NPTXR: variants seen among roughly 807,000 people sequenced by gnomAD.
The protein encoded by NPTXR is neuronal pentraxin receptor.
In NPTXR, 12 loss-of-function variants were observed where a neutral mutation model predicts 32.2. The ratio of observed to expected loss-of-function variants is 0.37; its 90% CI spans 0.24 to 0.60. The LOEUF (loss-of-function observed/expected upper bound fraction) is 0.60, where lower values mean the gene tolerates loss of function less well. Ranked by LOEUF, NPTXR falls within the 20% of genes least tolerant of loss-of-function variation. The pLI, the probability that NPTXR is intolerant of heterozygous loss-of-function variation, is 0.66. For missense variants in NPTXR, 612 were observed against 682.9 expected, an observed-to-expected ratio of 0.90 and a Z score of 1.16; for synonymous variants, 323 against 315.8, an observed-to-expected ratio of 1.02 and a Z score of -0.24.
intron 1 of NPTXR, among the ~76,000 whole-genome samples, chr22:38,835,777 C>G (rs899705700): frequency 1.3e-5 from 2 of 152,152 alleles, no homozygotes; most frequent in African/African-American, 2.4e-5. Context: ...TGGCTGTGGG[C>G]AGGTCCCTCA....
intron 1 of NPTXR, among the ~76,000 whole-genome samples, chr22:38,835,902 T>A (rs531480062): frequency 2.9e-4 from 44 of 152,322 alleles, no homozygotes; most frequent in Non-Finnish European, 5.6e-4. Flanking sequence ...ACGGGGATGA[T>A]GTGCCCAAGA....
intron 1 of NPTXR, among the ~76,000 whole-genome samples, chr22:38,841,484 G>A (rs558454833): frequency 6.6e-6 from 1 of 152,282 alleles, no homozygotes; most frequent in African/African-American, 2.4e-5. Context: ...CCAGACGTGG[G>A]AGGAGCCACC....
intron 2 of NPTXR, among the ~76,000 whole-genome samples, chr22:38,827,173 C>G (rs2093108459): frequency 6.6e-6 from 1 of 152,110 alleles, no homozygotes; most frequent in Non-Finnish European, 1.5e-5. Flanking sequence ...CTCCTCACCA[C>G]TGTTTTCAAG....
rs985717473 is a variant in NPTXR at position 38,834,978 on chromosome 22, A to G, written c.625-6466T>C. Reference sequence around the variant, plus strand: ...CTGGAGCCAGACTGCCTGGGTGGAAATGCCAGCTGAGTGAGCTGGACAAGC... The same window carrying G: ...CTGGAGCCAGACTGCCTGGGTGGAAGTGCCAGCTGAGTGAGCTGGACAAGC... On this transcript the variant is annotated intron_variant, in intron 1 of 4. Transcript: ENST00000333039. This position sits in a 1 kb window ranked among gnomAD's most constrained non-coding sequence, Gnocchi z 4.4. 1.3e-4 allele frequency among the ~76,000 whole-genome samples: 20 copies of G among 152,348 alleles called. No homozygotes were observed. The highest frequency in any genetic ancestry group is 4.8e-4 in the African/African-American group (20 of 41,576).
At position 38,843,724 on chromosome 22, in the gene NPTXR, G is replaced by T; in HGVS notation, c.135C>A (p.Val45=). ...CCGGGGACGCGGCGGCGCCCGAGGCGACCGAAGCATTGTCGGCGCCGCCGG... is the reference window on the plus strand; with the variant it reads ...CCGGGGACGCGGCGGCGCCCGAGGCTACCGAAGCATTGTCGGCGCCGCCGG... The change falls in exon 1 of 5, where the codon GTC becomes GTA. Residue 45 remains valine, a synonymous_variant. Transcript: ENST00000333039. This position sits in a 1 kb window ranked among gnomAD's most constrained non-coding sequence, Gnocchi z 5.3. 4.0e-6 allele frequency: 4 copies of T among 993,972 alleles called. No individual in the cohort carries two copies. The South Asian group carries it at 1.8e-4, about 45-fold the overall frequency. The allele number at this position is 993,972 out of a possible 1,614,324, so 61.6% of individuals were successfully genotyped here. A position where few individuals can be genotyped will look rare whatever the true frequency, so the allele number is the denominator to read the frequency against.
chr22:38,836,972 G>A (rs912070287), intron 1 of NPTXR, among the ~76,000 whole-genome samples: 1 of 152,148 alleles, frequency 6.6e-6, no homozygotes, highest in South Asian at 2.1e-4. Context: ...CCGCCACCAT[G>A]CCCGGCTAAT....
chr22:38,820,529 C>A lies in NPTXR; in HGVS notation c.*2080G>T, dbSNP rs1174048022. On this transcript the variant is annotated 3_prime_UTR_variant, in exon 5 of 5. Transcript: ENST00000333039. ...GTAGGTGACTAGCAGGGGAGGGACA[C>A]CTCAGCTCTCCATTCTGCCGAAGCG... is the stretch of plus-strand genomic sequence containing the variant. 2 of 152,190 alleles carry A rather than the reference C, an allele frequency of 1.3e-5. No homozygotes were observed. The highest frequency in any genetic ancestry group is 4.8e-5 in the African/African-American group (2 of 41,426). The allele number at this position is 152,190 out of a possible 1,614,324, so 9.4% of individuals were successfully genotyped here. A position where few individuals can be genotyped will look rare whatever the true frequency, so the allele number is the denominator to read the frequency against.
intron 1 of NPTXR, among the ~76,000 whole-genome samples, chr22:38,836,255 C>T (rs1392221604): frequency 6.6e-6 from 1 of 152,214 alleles, no homozygotes; most frequent in Non-Finnish European, 1.5e-5. Flanking sequence ...GCAACCCACT[C>T]CTGTGGCTCG....
At chr22:38,841,112 G>A (rs1307647630) in intron 1 of NPTXR, among the ~76,000 whole-genome samples, 2 of 152,186 alleles carry the variant, frequency 1.3e-5, no homozygotes, top group African/African-American at 4.8e-5. Flanking sequence ...AGTGGCTAAC[G>A]GGTGCATGGG....
chr22:38,836,054 GTCATGAA>G (rs1568986681), intron 1 of NPTXR, among the ~76,000 whole-genome samples: 1 of 152,134 alleles, frequency 6.6e-6, no homozygotes, highest in African/African-American at 2.4e-5. Context: ...GGTGCTCAAC[GTCATGAA>G]TCATCAGAGC....
chr22:38,832,307 C>T (rs9607579), intron 1 of NPTXR, among the ~76,000 whole-genome samples: 4,574 of 152,326 alleles, frequency 0.03, 110 homozygotes, highest in Middle Eastern at 0.082. Context: ...GCTCCCGGCC[C>T]GATGCCAACT....
Position 38,823,133 on chromosome 22 carries a change from C to A in NPTXR, c.1228G>T (p.Ala410Ser), listed in dbSNP as rs770110091. The stretch of plus-strand genomic sequence containing the variant: ...CCATGAGGCTTGATGGGGTGCCAGG[C>A]AGCCAGGTTCTCACCGGAGCCCTGC... The change falls in exon 4 of 5, where the codon GCC becomes TCC. Residue 410 changes from alanine to serine, a missense_variant. Transcript: ENST00000333039. The A allele has an allele frequency of 4.3e-6, 7 of 1,614,042 alleles. No individual in the cohort carries two copies. In the East Asian group the frequency reaches 1.3e-4, roughly 31 times the overall value.
chr22:38,826,659 C>T lies in NPTXR; in HGVS notation c.939G>A (p.Leu313=), dbSNP rs1163821001. The T allele has an allele frequency of 6.2e-7, 1 of 1,613,984 alleles. No homozygotes were observed. The highest frequency in any genetic ancestry group is 2.2e-5 in the East Asian group (1 of 44,892). ...AGGCGGTGAATGCGTAGAGCTCGGG[C>T]AGAGCCTTCCGCACGCGGGCGTACA... The change falls in exon 3 of 5, where the codon CTG becomes CTA. Residue 313 remains leucine (L), a synonymous_variant. Coordinates refer to ENST00000333039, the MANE Select transcript of NPTXR (RefSeq NM_014293.4).
chr22:38,839,395 A>G (rs984266507), intron 1 of NPTXR, among the ~76,000 whole-genome samples: 7 of 152,256 alleles, frequency 4.6e-5, no homozygotes, highest in African/African-American at 1.7e-4. Context: ...CTGTAATCCC[A>G]GCACTTTGGG....
chr22:38,822,997 T>C (rs2093100589), intron 4 of NPTXR, 86 bp downstream of exon 4: 3 of 1,539,506 alleles, frequency 1.9e-6, no homozygotes, highest in Admixed American at 1.7e-5. Context: ...TTCTAGTTCC[T>C]TGGGCAGGTC....
In NPTXR at chr22:38,822,154, G is replaced by A. The variant is rs1316653583; in HGVS notation, c.*455C>T. 2.8e-5 allele frequency: 5 copies of A among 181,576 alleles called. No individual in the cohort carries two copies. The highest frequency in any genetic ancestry group is 3.6e-5 in the Non-Finnish European group (3 of 84,414). 11.2% of individuals were successfully genotyped at this position (181,576 alleles called of 1,614,324 possible). A position where few individuals can be genotyped will look rare whatever the true frequency, so the allele number is the denominator to read the frequency against. ...GGTAAGTCTAACCTCTGATGTCCTC[G>A]TCATCCCCTTCTACAGCCTGTTGTG... On this transcript the variant is annotated 3_prime_UTR_variant, in exon 5 of 5. Coordinates refer to ENST00000333039, the MANE Select transcript of NPTXR (RefSeq NM_014293.4).
In NPTXR at chr22:38,821,944, G is replaced by A; in HGVS notation, c.*665C>T. 6.4e-6 allele frequency: 1 copy of A among 155,400 alleles called. No homozygotes were observed. The highest frequency in any genetic ancestry group is 1.4e-5 in the Non-Finnish European group (1 of 69,956). 9.6% of individuals were successfully genotyped at this position (155,400 alleles called of 1,614,324 possible). On this transcript the variant is annotated 3_prime_UTR_variant, in exon 5 of 5. Transcript: ENST00000333039. The stretch of plus-strand genomic sequence containing the variant: ...GTCTTTGTCCCCTTCCCTCCAGGCT[G>A]GAGCTGGGAAAGGAATGTCCTGGAG...
At chr22:38,836,439 C>T (rs1045539025) in intron 1 of NPTXR, among the ~76,000 whole-genome samples, 14 of 152,232 alleles carry the variant, frequency 9.2e-5, no homozygotes, top group Admixed American at 3.9e-4. Context: ...GGCAATCCTC[C>T]GTGGGTACAC....
At chr22:38,832,428 T>C (rs957608733) in intron 1 of NPTXR, among the ~76,000 whole-genome samples, 1 of 151,880 alleles carries the variant, frequency 6.6e-6, no homozygotes, top group Admixed American at 6.6e-5. Flanking sequence ...CCGCTGGGAG[T>C]CCGGGGTGGG....
Sources: allele counts gnomAD v4.1 joint callset (sites outside exome capture counted in the v4.1 genomes callset), GRCh38; gene constraint gnomAD v4.1.1; non-coding constraint Gnocchi (gnomAD v3.1); transcripts MANE v1.5; gene names NCBI Gene and HGNC (gene_info 2026-07-23, HGNC 2026-07-21).